The following PRDM16 variants were observed in gnomAD, a reference collection of about 807,000 sequenced individuals.
PRDM16 encodes the protein histone-lysine N-methyltransferase PRDM16.
A neutral mutation model predicts 110.6 loss-of-function variants in PRDM16; 23 were observed. That is an observed-to-expected ratio of 0.21 (90% CI 0.15 to 0.29). PRDM16 has a LOEUF of 0.29. PRDM16 is among the 10% of genes least tolerant of loss of function. The probability of loss-of-function intolerance (pLI) is 1.00; values close to 1 mark genes in which losing one functional copy is unlikely to be tolerated. For missense variants in PRDM16, 1,615 were observed against 1,794.3 expected, an observed-to-expected ratio of 0.90 and a Z score of 1.81; for synonymous variants, 799 against 781.8, an observed-to-expected ratio of 1.02 and a Z score of -0.37.
At position 3,426,229 on chromosome 1, in the gene PRDM16, A is replaced by T. The variant is rs903904639; in HGVS notation, c.3284+4A>T. 1 of 1,612,012 alleles carries T rather than the reference A, an allele frequency of 6.2e-7. No individual in the cohort carries two copies. Among genetic ancestry groups the T allele is most frequent in the African/African-American group, 1.3e-5 (1 of 74,844 alleles). ...CATCAACGCGAACAGAGAAACGGTA[A>T]GAAAACTATCGCGGGCTGGGGAAAG... On this transcript the variant is annotated splice_donor_region_variant and intron_variant, in intron 14 of 16. Coordinates refer to ENST00000270722, the MANE Select transcript of PRDM16 (RefSeq NM_022114.4).
chr1:3,209,635 G>A lies in PRDM16; in HGVS notation c.387+23161G>A, dbSNP rs547829023. 1.5e-3 allele frequency among the ~76,000 whole-genome samples: 224 copies of A among 152,278 alleles called. 1 individual carries two copies. Among genetic ancestry groups the A allele is most frequent in the Non-Finnish European group, 2.0e-3 (136 of 68,016 alleles). On this transcript the variant is annotated intron_variant, in intron 2 of 16. Coordinates refer to ENST00000270722, the MANE Select transcript of PRDM16 (RefSeq NM_022114.4). The surrounding 1 kb of genome is among the most constrained non-coding windows in gnomAD (Gnocchi z 4.6). The stretch of plus-strand genomic sequence containing the variant: ...GAACCTCACTTCGGGATCCTTTGTC[G>A]AGACCAATTGGCCACAAATGCCACC...
chr1:3,402,970 T>C lies in PRDM16; in HGVS notation c.856T>C (p.Cys286Arg), dbSNP rs772692688. ...CGGCCAAGCCCACGAGTGCAAGGACTGCGAGCGGATGTTCCCCAACAAGTA... is the reference window on the plus strand; with the variant it reads ...CGGCCAAGCCCACGAGTGCAAGGACCGCGAGCGGATGTTCCCCAACAAGTA... ...GSGQAHECKDCERMFPNKYSL... is the reference protein window; with the variant it reads ...GSGQAHECKDRERMFPNKYSL... Residue 286 changes from cysteine to arginine, a missense_variant, in exon 6 of 17, where the codon TGC becomes CGC. Physicochemically the swap from Cys to Arg is radical, Grantham distance 180. This residue lies in a region of PRDM16 where 416 missense variants were observed against 467.1 expected (regional missense o/e 0.89). Transcript: ENST00000270722. 2 of 1,611,210 alleles carry C rather than the reference T, an allele frequency of 1.2e-6. No individual in the cohort carries two copies. The highest frequency in any genetic ancestry group is 1.1e-5 in the South Asian group (1 of 91,030).
At chr1:3,145,350 G>A (rs909759477) in intron 1 of PRDM16, among the ~76,000 whole-genome samples, 5 of 152,166 alleles carry the variant, frequency 3.3e-5, no homozygotes, top group African/African-American at 1.2e-4. Flanking sequence ...CTGGCGACCT[G>A]GGCCCTGAGC....
chr1:3,378,066 C>T (rs1020392773), intron 3 of PRDM16, among the ~76,000 whole-genome samples: 40 of 152,354 alleles, frequency 2.6e-4, no homozygotes, highest in Admixed American at 6.5e-4. Flanking sequence ...GCTGGGCTCG[C>T]GCCCTAGGGC....
At chr1:3,241,380 G>A (rs571385803) in intron 2 of PRDM16, among the ~76,000 whole-genome samples, 1 of 152,230 alleles carries the variant, frequency 6.6e-6, no homozygotes, top group African/African-American at 2.4e-5. Flanking sequence ...CCCTCAGCCC[G>A]AAGGGGGCCC....
intron 3 of PRDM16, among the ~76,000 whole-genome samples, chr1:3,298,149 G>A (rs1641130260): frequency 6.6e-6 from 1 of 152,266 alleles, no homozygotes; most frequent in South Asian, 2.1e-4. Flanking sequence ...GGGAATACGT[G>A]TAAGTGACAG....
intron 2 of PRDM16, among the ~76,000 whole-genome samples, chr1:3,239,618 G>A (rs1421802985): frequency 6.6e-6 from 1 of 152,146 alleles, no homozygotes; most frequent in African/African-American, 2.4e-5. Flanking sequence ...CACATCTTTG[G>A]GTCCAACGAA....
At chr1:3,383,588 A>G (rs1437046561) in intron 3 of PRDM16, among the ~76,000 whole-genome samples, 1 of 152,106 alleles carries the variant, frequency 6.6e-6, no homozygotes, top group South Asian at 2.1e-4. Flanking sequence ...TTTTCAAAAG[A>G]ATTCCAGCAC....
chr1:3,422,682 A>G (rs1638472544), intron 12 of PRDM16, among the ~76,000 whole-genome samples: 1 of 152,244 alleles, frequency 6.6e-6, no homozygotes, highest in South Asian at 2.1e-4. Context: ...TGTGTGGGAC[A>G]CGTCGGGTAG....
At chr1:3,318,073 A>G (rs1641653421) in intron 3 of PRDM16, among the ~76,000 whole-genome samples, 1 of 152,196 alleles carries the variant, frequency 6.6e-6, no homozygotes, top group African/African-American at 2.4e-5. Context: ...GAGCCTCGCA[A>G]AGGGTTCGGG....
chr1:3,346,759 G>A (rs1022844452), intron 3 of PRDM16, among the ~76,000 whole-genome samples: 15 of 152,182 alleles, frequency 9.9e-5, no homozygotes, highest in African/African-American at 3.6e-4. Flanking sequence ...TGAGGTGAGG[G>A]TGGGTGGCTC....
intron 1 of PRDM16, among the ~76,000 whole-genome samples, chr1:3,129,895 C>T (rs1421590446): frequency 1.3e-5 from 2 of 152,194 alleles, no homozygotes; most frequent in Non-Finnish European, 2.9e-5. Context: ...CTCCTACTTC[C>T]CGCTTTTGCT....
chr1:3,409,861 GTT>G (rs1392257047), intron 8 of PRDM16, among the ~76,000 whole-genome samples: 156 of 82,060 alleles, frequency 1.9e-3, no homozygotes, highest in Middle Eastern at 0.01. Flanking sequence ...TGTGTGTGGT[GTT>G]TGTGTGCATG....
chr1:3,190,071 A>T lies in PRDM16; in HGVS notation c.387+3597A>T, dbSNP rs1182090374. 1.3e-5 allele frequency among the ~76,000 whole-genome samples: 2 copies of T among 152,084 alleles called. No homozygotes were observed. Among genetic ancestry groups the T allele is most frequent in the Non-Finnish European group, 2.9e-5 (2 of 68,020 alleles). On this transcript the variant is annotated intron_variant, in intron 2 of 16. Coordinates refer to ENST00000270722, the MANE Select transcript of PRDM16 (RefSeq NM_022114.4). The surrounding 1 kb of genome is among the most constrained non-coding windows in gnomAD (Gnocchi z 5.0). Reference sequence around the variant, plus strand: ...AGGGTCAGGGGCTCTTCTCTCCCTGACATGGGGCCGATGTAGATGACAGCA... The same window carrying T: ...AGGGTCAGGGGCTCTTCTCTCCCTGTCATGGGGCCGATGTAGATGACAGCA...
chr1:3,244,258 C>A lies in PRDM16; in HGVS notation c.438+121C>A. On this transcript the variant is annotated intron_variant, in intron 3 of 16. Transcript: ENST00000270722. The surrounding 1 kb of genome is among the most constrained non-coding windows in gnomAD (Gnocchi z 4.1). ...GTGTAGTCGGAATGTTGCTGGCAGG[C>A]CCCGAGCAATGTGTTATCTGTGGAC... 1 of 907,820 alleles carries A rather than the reference C, an allele frequency of 1.1e-6. No homozygotes were observed. The highest frequency in any genetic ancestry group is 1.8e-6 in the Non-Finnish European group (1 of 569,126). 56.2% of individuals were successfully genotyped at this position (907,820 alleles called of 1,614,324 possible). A position where few individuals can be genotyped will look rare whatever the true frequency, so the allele number is the denominator to read the frequency against.
intron 1 of PRDM16, among the ~76,000 whole-genome samples, chr1:3,121,986 C>T (rs1046208334): frequency 6.6e-6 from 1 of 152,238 alleles, no homozygotes; most frequent in Non-Finnish European, 1.5e-5. Flanking sequence ...GTGGCAGGCG[C>T]GGGCGGTTGG....
Position 3,411,667 on chromosome 1 carries a change from C to T in PRDM16, c.1470C>T (p.Pro490=), listed in dbSNP as rs763999418. Residue 490 remains proline (P), a synonymous_variant, in exon 9 of 17, where the codon CCC becomes CCT. Transcript: ENST00000270722. ...HASLGFNEYF[P]SRPHPGSLPF... ...GCCTGGGCTTCAACGAGTACTTTCC[C>T]TCCAGGCCGCACCCGGGGAGCCTGC... 11 of 1,612,596 alleles carry T rather than the reference C, an allele frequency of 6.8e-6. No individual in the cohort carries two copies. The Admixed American group carries it at 1.5e-4, about 22-fold the overall frequency.
intron 1 of PRDM16, among the ~76,000 whole-genome samples, chr1:3,140,393 G>A (rs1468422385): frequency 6.6e-6 from 1 of 152,140 alleles, no homozygotes; most frequent in East Asian, 1.9e-4. Context: ...TGAGCGCAGA[G>A]GCCTTGACGG....
At chr1:3,418,055 G>T in intron 11 of PRDM16, 58 bp downstream of exon 11, 1 of 1,450,994 alleles carries the variant, frequency 6.9e-7, no homozygotes, top group Non-Finnish European at 9.4e-7. Flanking sequence ...TGCCACACCT[G>T]TGGCTGTGAA....
Sources: gnomAD v4.1 joint callset for allele counts (sites outside exome capture counted in the v4.1 genomes callset) on GRCh38, gnomAD v4.1.1 for gene constraint, gnomAD v4.1.1 regional missense constraint, Gnocchi (gnomAD v3.1) non-coding constraint, MANE v1.5 for transcripts, NCBI Gene and HGNC (gene_info 2026-07-23, HGNC 2026-07-21) for gene names.